ESRRG: variants seen among roughly 807,000 people sequenced by gnomAD.
The protein encoded by ESRRG is estrogen-related receptor gamma.
In ESRRG, 13 loss-of-function variants were observed where a neutral mutation model predicts 44.0. The ratio of observed to expected loss-of-function variants is 0.30; its 90% CI spans 0.19 to 0.47. ESRRG has a LOEUF of 0.47. ESRRG is among the 20% of genes least tolerant of loss of function. The probability of loss-of-function intolerance (pLI) is 1.00; values close to 1 mark genes in which losing one functional copy is unlikely to be tolerated. For missense variants in ESRRG, 395 were observed against 580.6 expected (o/e 0.68, Z 3.29); for synonymous variants, 215 against 214.6 (o/e 1.00, Z -0.02).
At chr1:216,799,574 A>G (rs937951840) in intron 2 of ESRRG, among the ~76,000 whole-genome samples, 3 of 152,186 alleles carry the variant, frequency 2.0e-5, no homozygotes, top group Admixed American at 6.6e-5. Context: ...GAAGTTATGA[A>G]TGGTTTCTCA....
intron 6 of ESRRG, among the ~76,000 whole-genome samples, chr1:216,511,776 G>A (rs1333053899): frequency 1.3e-5 from 2 of 152,122 alleles, no homozygotes; most frequent in Non-Finnish European, 2.9e-5. Flanking sequence ...CTAGAACTAC[G>A]AGGTATTCAA....
intron 2 of ESRRG, among the ~76,000 whole-genome samples, chr1:216,821,857 T>C (rs1329328340): frequency 1.3e-5 from 2 of 151,950 alleles, no homozygotes; most frequent in Admixed American, 6.6e-5. Flanking sequence ...TTCTGGTGGA[T>C]AGTATTATAG....
chr1:216,548,694 C>T (rs1046135784), intron 5 of ESRRG, among the ~76,000 whole-genome samples: 10 of 151,974 alleles, frequency 6.6e-5, no homozygotes, highest in African/African-American at 2.2e-4. Context: ...ACCTATAGTA[C>T]GCTGGGCTAC....
At chr1:216,930,432 C>G (rs1167605825) in intron 2 of ESRRG, among the ~76,000 whole-genome samples, 1 of 152,140 alleles carries the variant, frequency 6.6e-6, no homozygotes, top group African/African-American at 2.4e-5. Flanking sequence ...AAGCTTCAAC[C>G]CCCCATTTTC....
rs371905336 is a variant in ESRRG, at chr1:217,053,383, A to T, written c.-106+36124T>A. On this transcript the variant is annotated intron_variant, in intron 1 of 7. Transcript: ENST00000359162. ...GGCAGGAGAATCGCTTGAACCTAGG[A>T]GATAGAGGTTGCAGTGAGCCGAGAT... 2.0e-5 allele frequency among the ~76,000 whole-genome samples: 3 copies of T among 151,896 alleles called. No individual in the cohort carries two copies. The South Asian group carries it at 6.2e-4, about 32-fold the overall frequency.
At chr1:216,898,625 A>T (rs192600360) in intron 2 of ESRRG, among the ~76,000 whole-genome samples, 53 of 152,246 alleles carry the variant, frequency 3.5e-4, no homozygotes, top group South Asian at 2.9e-3. Context: ...CTCAAAAAAT[A>T]AATAAATTAA....
At chr1:216,746,178 G>A (rs2091375411) in intron 2 of ESRRG, among the ~76,000 whole-genome samples, 2 of 152,158 alleles carry the variant, frequency 1.3e-5, no homozygotes, top group Non-Finnish European at 2.9e-5. Flanking sequence ...ATAAAAAGAA[G>A]GAAATGAAGC....
At chr1:216,556,951 A>T (rs2057710552) in intron 5 of ESRRG, among the ~76,000 whole-genome samples, 3 of 152,186 alleles carry the variant, frequency 2.0e-5, no homozygotes, top group Admixed American at 2.0e-4. Context: ...TAAGTGGTAG[A>T]GCTAACATTT....
Position 216,834,514 on chromosome 1 carries a change from G to T in ESRRG, c.-14+105068C>A, listed in dbSNP as rs138362260. Reference sequence around the variant, plus strand: ...TTGATTTTTTTAAAAGATGACTTAGGTATTTTTCAATGGAGATGGATATTG... The same window carrying T: ...TTGATTTTTTTAAAAGATGACTTAGTTATTTTTCAATGGAGATGGATATTG... On this transcript the variant is annotated intron_variant, in intron 2 of 7. Transcript: ENST00000359162. 3.0e-3 allele frequency among the ~76,000 whole-genome samples: 451 copies of T among 152,216 alleles called. 4 individuals carry two copies. The highest frequency in any genetic ancestry group is 0.01 in the African/African-American group (424 of 41,518).
At chr1:217,044,232 A>G (rs1235594151) in intron 1 of ESRRG, among the ~76,000 whole-genome samples, 1 of 152,128 alleles carries the variant, frequency 6.6e-6, no homozygotes, top group East Asian at 1.9e-4. Flanking sequence ...TTTTGGCTAC[A>G]TGGAAGTCCT....
intron 2 of ESRRG, among the ~76,000 whole-genome samples, chr1:216,913,271 T>C (rs1578073698): frequency 6.6e-6 from 1 of 152,160 alleles, no homozygotes; most frequent in Admixed American, 6.6e-5. Flanking sequence ...TTTTACATTA[T>C]ATTGAGAAAT....
chr1:217,118,001 T>C (rs2102486223), intron 1 of ESRRG, among the ~76,000 whole-genome samples: 1 of 152,364 alleles, frequency 6.6e-6, no homozygotes, highest in South Asian at 2.1e-4. Flanking sequence ...AGTCCATATC[T>C]GAATCATCTT....
rs1467498524 is a variant in ESRRG at position 216,644,483 on chromosome 1, C to T, written c.589+6490G>A. ...TCACTCTGTCACCCAGGCTGGAGTGCAGTGGCACGATCTCCACTCATTGCA... is the reference window on the plus strand; with the variant it reads ...TCACTCTGTCACCCAGGCTGGAGTGTAGTGGCACGATCTCCACTCATTGCA... On this transcript the variant is annotated intron_variant, in intron 3 of 6. Transcript: ENST00000408911. Among the ~76,000 whole-genome samples the T allele has an allele frequency of 2.0e-4, 29 of 144,532 alleles. 1 individual carries two copies. Among genetic ancestry groups the T allele is most frequent in the Non-Finnish European group, 3.0e-5 (2 of 66,900 alleles). 94.8% of individuals were successfully genotyped at this position (144,532 alleles called of 152,430 possible). A position where few individuals can be genotyped will look rare whatever the true frequency, so the allele number is the denominator to read the frequency against.
At position 216,866,553 on chromosome 1, in the gene ESRRG, GTTTC is replaced by G. The variant is rs1354551534; in HGVS notation, c.-14+73025_-14+73028del. Among the ~76,000 whole-genome samples, 3 of 143,082 alleles carry G rather than the reference GTTTC, an allele frequency of 2.1e-5. No individual in the cohort carries two copies. The East Asian group carries it at 5.9e-4, about 28-fold the overall frequency. The allele number at this position is 143,082 out of a possible 152,430, so 93.9% of individuals were successfully genotyped here. On this transcript the variant is annotated intron_variant, in intron 2 of 7. Transcript: ENST00000359162. ...TCTCATGATATCTTTATCTTTCTTTGTTTCTTTCTTTCTTTTTTTTTTTATTTTT... is the reference window on the plus strand; with the variant it reads ...TCTCATGATATCTTTATCTTTCTTTGTTTCTTTCTTTTTTTTTTTATTTTT...
intron 1 of ESRRG, among the ~76,000 whole-genome samples, chr1:217,019,969 C>G (rs1357878200): frequency 6.6e-6 from 1 of 152,082 alleles, no homozygotes; most frequent in African/African-American, 2.4e-5. Context: ...TACTTTTTTA[C>G]CTGAGGATCA....
intron 3 of ESRRG, among the ~76,000 whole-genome samples, chr1:216,636,419 G>A (rs1173261654): frequency 6.6e-6 from 1 of 152,182 alleles, no homozygotes. Flanking sequence ...AATAAGGTAT[G>A]CCTTAGCACT....
chr1:216,518,687 C>T (rs1286722198), intron 6 of ESRRG, among the ~76,000 whole-genome samples: 1 of 152,172 alleles, frequency 6.6e-6, no homozygotes, highest in Non-Finnish European at 1.5e-5. Flanking sequence ...TTCTAAAGAA[C>T]TCCAGAATGT....
chr1:216,917,726 T>C (rs1383145033), intron 2 of ESRRG, among the ~76,000 whole-genome samples: 7 of 152,182 alleles, frequency 4.6e-5, no homozygotes, highest in Admixed American at 3.3e-4. Context: ...GTTGAACGAT[T>C]ATGTGATCAA....
At chr1:216,950,527 G>A (rs1382877641) in intron 1 of ESRRG, among the ~76,000 whole-genome samples, 1 of 152,090 alleles carries the variant, frequency 6.6e-6, no homozygotes, top group East Asian at 1.9e-4. Flanking sequence ...GAAAATACTT[G>A]TCTATGGAAA....
Sources: gnomAD v4.1 joint callset for allele counts (sites outside exome capture counted in the v4.1 genomes callset) on GRCh38, gnomAD v4.1.1 for gene constraint, MANE v1.5 for transcripts, NCBI Gene and HGNC (gene_info 2026-07-23, HGNC 2026-07-21) for gene names.